CHRM3: variants seen among roughly 807,000 people sequenced by gnomAD.
CHRM3 encodes cholinergic receptor muscarinic 3.
In CHRM3, 11 loss-of-function variants were observed where a neutral mutation model predicts 41.8. The observed-to-expected ratio is 0.26, with a 90% CI of 0.17 to 0.44. CHRM3 has a LOEUF of 0.44. Ranked by LOEUF, CHRM3 falls within the 20% of genes least tolerant of loss-of-function variation. The pLI is 1.00. For missense variants in CHRM3, 571 were observed against 745.4 expected, an observed-to-expected ratio of 0.77 and a Z score of 2.72; for synonymous variants, 297 against 301.4, an observed-to-expected ratio of 0.99 and a Z score of 0.15.
intron 3 of CHRM3, among the ~76,000 whole-genome samples, chr1:239,551,562 CT>C (rs1443549653): frequency 6.7e-6 from 1 of 150,084 alleles, no homozygotes; most frequent in African/African-American, 2.4e-5. Context: ...AAATGAGTAG[CT>C]ATACATCACT....
intron 2 of CHRM3, among the ~76,000 whole-genome samples, chr1:239,537,819 T>G (rs1317525200): frequency 6.6e-6 from 1 of 152,198 alleles, no homozygotes; most frequent in Admixed American, 6.5e-5. Flanking sequence ...AAATCATTCT[T>G]TTATTAATTA....
chr1:239,609,315 G>C (rs1217534908), intron 3 of CHRM3, among the ~76,000 whole-genome samples: 1 of 152,120 alleles, frequency 6.6e-6, no homozygotes, highest in African/African-American at 2.4e-5. Context: ...GTATACTTTT[G>C]TGTCTGCCAA....
intron 2 of CHRM3, among the ~76,000 whole-genome samples, chr1:239,532,409 C>T (rs1657704279): frequency 6.6e-6 from 1 of 150,538 alleles, no homozygotes; most frequent in African/African-American, 2.4e-5. Context: ...GGGTGGATCA[C>T]GAGGTCAACA....
intron 5 of CHRM3, among the ~76,000 whole-genome samples, chr1:239,687,927 A>G (rs1347842107): frequency 2.0e-5 from 3 of 152,108 alleles, no homozygotes; most frequent in African/African-American, 7.2e-5. Context: ...GAAATTACCT[A>G]ATGACACATT....
At chr1:239,578,670 C>T (rs1220047658) in intron 3 of CHRM3, among the ~76,000 whole-genome samples, 1 of 152,112 alleles carries the variant, frequency 6.6e-6, no homozygotes, top group Non-Finnish European at 1.5e-5. Flanking sequence ...ATCTTCTTAT[C>T]CCAAAGTATG....
intron 5 of CHRM3, among the ~76,000 whole-genome samples, chr1:239,720,341 T>C (rs1662840505): frequency 6.6e-6 from 1 of 152,044 alleles, no homozygotes; most frequent in African/African-American, 2.4e-5. Flanking sequence ...CATGTTCATA[T>C]AGTCACTGGC....
At chr1:239,694,121 A>G (rs1659960543) in intron 5 of CHRM3, among the ~76,000 whole-genome samples, 1 of 152,196 alleles carries the variant, frequency 6.6e-6, no homozygotes, top group African/African-American at 2.4e-5. Context: ...AAAGACAAAA[A>G]TAAGCACTCC....
intron 3 of CHRM3, among the ~76,000 whole-genome samples, chr1:239,589,825 T>C (rs1663908411): frequency 6.6e-6 from 1 of 151,428 alleles, no homozygotes; most frequent in African/African-American, 2.4e-5. Context: ...TATATAGTTA[T>C]ATATACACAT....
intron 2 of CHRM3, among the ~76,000 whole-genome samples, chr1:239,545,204 G>C (rs1043124823): frequency 6.6e-6 from 1 of 152,086 alleles, no homozygotes; most frequent in African/African-American, 2.4e-5. Flanking sequence ...TAGTATGTCC[G>C]TGTGGCTATA....
intron 1 of CHRM3, among the ~76,000 whole-genome samples, chr1:239,404,036 C>A (rs1660224157): frequency 7.0e-6 from 1 of 142,406 alleles, no homozygotes; most frequent in Non-Finnish European, 1.5e-5. Context: ...GTGGCTCACG[C>A]CTGTAATCCC....
chr1:239,595,977 T>C (rs1338689741), intron 3 of CHRM3, among the ~76,000 whole-genome samples: 1 of 152,204 alleles, frequency 6.6e-6, no homozygotes, highest in Non-Finnish European at 1.5e-5. Context: ...AGAATCAGTG[T>C]AATTTCACGC....
chr1:239,430,111 C>T (rs967561950), intron 1 of CHRM3, among the ~76,000 whole-genome samples: 5 of 151,470 alleles, frequency 3.3e-5, no homozygotes, highest in Admixed American at 6.6e-5. Context: ...GGACTACAGG[C>T]GCCCACCACC....
intron 5 of CHRM3, among the ~76,000 whole-genome samples, chr1:239,721,864 A>G (rs529330295): frequency 6.6e-6 from 1 of 152,052 alleles, no homozygotes; most frequent in African/African-American, 2.4e-5. Context: ...GTGGCATGAA[A>G]AAATAAATAT....
chr1:239,709,403 C>T (rs145387570), intron 5 of CHRM3, among the ~76,000 whole-genome samples: 15 of 152,272 alleles, frequency 9.9e-5, no homozygotes, highest in African/African-American at 3.6e-4. Flanking sequence ...CTCATTGTAC[C>T]CACCTACCCT....
At chr1:239,868,502 A>C (rs890645343) in intron 6 of CHRM3, among the ~76,000 whole-genome samples, 1 of 152,098 alleles carries the variant, frequency 6.6e-6, no homozygotes, top group Non-Finnish European at 1.5e-5. Context: ...CAGATATCTC[A>C]AAATAAGTAG....
chr1:239,667,138 A>G (rs987592398), intron 4 of CHRM3, among the ~76,000 whole-genome samples: 1 of 152,072 alleles, frequency 6.6e-6, no homozygotes, highest in African/African-American at 2.4e-5. Flanking sequence ...ATTTCTTTGT[A>G]TCACGAATTG....
intron 2 of CHRM3, among the ~76,000 whole-genome samples, chr1:239,503,231 T>C (rs909618877): frequency 2.6e-5 from 4 of 152,154 alleles, no homozygotes; most frequent in Non-Finnish European, 5.9e-5. Flanking sequence ...ACAAGATTAA[T>C]GTACACAAAT....
At chr1:239,796,903 CTT>C (rs1669825395) in intron 5 of CHRM3, among the ~76,000 whole-genome samples, 1 of 152,120 alleles carries the variant, frequency 6.6e-6, no homozygotes, top group Non-Finnish European at 1.5e-5. Flanking sequence ...CTACAGGACA[CTT>C]TATCCACTAC....
At chr1:239,886,329 A>C (rs1678068906) in intron 6 of CHRM3, 1 of 152,162 alleles carries the variant, frequency 6.6e-6, no homozygotes. Flanking sequence ...AAGACCAGTG[A>C]TACTGCTTTG....
Sources: gnomAD v4.1 joint callset for allele counts (sites outside exome capture counted in the v4.1 genomes callset) on GRCh38, gnomAD v4.1.1 for gene constraint, MANE v1.5 for transcripts, NCBI Gene and HGNC (gene_info 2026-07-23, HGNC 2026-07-21) for gene names.